HOOK3: variants seen among roughly 807,000 people sequenced by gnomAD.
HOOK3 encodes protein Hook homolog 3.
A neutral mutation model predicts 116.3 loss-of-function variants in HOOK3; 24 were observed. The observed-to-expected ratio is 0.21, with a 90% CI of 0.15 to 0.29. The LOEUF (loss-of-function observed/expected upper bound fraction) is 0.29. Among genes scored for constraint, HOOK3 ranks in the 10% least tolerant of loss-of-function variants. The pLI is 1.00. For missense variants in HOOK3, 632 were observed against 830.2 expected (o/e 0.76, Z 2.93); for synonymous variants, 275 against 283.0 (o/e 0.97, Z 0.28).
chr8:43,012,027 A>G (rs77732036), intron 19 of HOOK3, among the ~76,000 whole-genome samples: 2,345 of 152,336 alleles, frequency 0.015, 32 homozygotes, highest in Non-Finnish European at 0.022. Flanking sequence ...CCACAGTGAT[A>G]GGCTTACACC....
At chr8:42,990,365 G>A (rs564785656) in intron 15 of HOOK3, among the ~76,000 whole-genome samples, 130 of 49,812 alleles carry the variant, frequency 2.6e-3, no homozygotes, top group African/African-American at 7.9e-3. Context: ...TTTTTTTTGA[G>A]GATCTCACTC....
At chr8:42,984,238 C>G (rs149522376) in intron 14 of HOOK3, among the ~76,000 whole-genome samples, 1,961 of 151,924 alleles carry the variant, frequency 0.013, 45 homozygotes, top group African/African-American at 0.045. Context: ...CTTGGTGATG[C>G]ATGCCGGTAA....
At position 42,983,588 on chromosome 8, in the gene HOOK3, A is replaced by G. The variant is rs76265400; in HGVS notation, c.1391+892A>G. Among the ~76,000 whole-genome samples the G allele has an allele frequency of 3.5e-3, 537 of 152,148 alleles. 3 individuals carry two copies. Among genetic ancestry groups the G allele is most frequent in the East Asian group, 0.03 (153 of 5,160 alleles). On this transcript the variant is annotated intron_variant, in intron 14 of 21. Transcript: ENST00000307602. ...AGCCTTGACCTTCTGGGCTCAAGCA[A>G]TCCTCCTACCTCAGCCTGCTTAGTA...
At position 42,981,055 on chromosome 8, in the gene HOOK3, T is replaced by A. The variant is rs1054085178; in HGVS notation, c.1322-1572T>A. 9.6e-5 allele frequency among the ~76,000 whole-genome samples: 14 copies of A among 145,630 alleles called. 1 individual carries two copies. Among genetic ancestry groups the A allele is most frequent in the African/African-American group, 3.5e-4 (14 of 39,930 alleles). ...TGCCTCTAGAATTGTAAATAATAAT[T>A]TTTTTTTTTTTTTTGAGATGAGGTC... is the stretch of plus-strand genomic sequence containing the variant. On this transcript the variant is annotated intron_variant, in intron 13 of 21. Transcript: ENST00000307602.
chr8:42,980,992 G>T (rs1808929551), intron 13 of HOOK3, among the ~76,000 whole-genome samples: 1 of 152,034 alleles, frequency 6.6e-6, no homozygotes. Flanking sequence ...CAGCAGGCAG[G>T]CTCTTACCAG....
At chr8:42,905,970 C>T (rs1208183625) in intron 1 of HOOK3, among the ~76,000 whole-genome samples, 3 of 151,670 alleles carry the variant, frequency 2.0e-5, no homozygotes, top group Non-Finnish European at 4.4e-5. Context: ...TCCTGTAATC[C>T]CAGCTACTTG....
chr8:42,966,143 T>C (rs1259405083), intron 9 of HOOK3, among the ~76,000 whole-genome samples: 1 of 152,226 alleles, frequency 6.6e-6, no homozygotes, highest in African/African-American at 2.4e-5. Flanking sequence ...AATGGGTTTA[T>C]TACTGTAATC....
rs781072029 is a variant in HOOK3 at position 42,986,658 on chromosome 8, G to T, written c.1395G>T (p.Glu465Asp). ...AGTTTTTATTTTGTTCATTCAGGGA[G>T]AAACTTATTCGTCTTCAGCATGAGA... ...AAEIVTPEIR[E>D]KLIRLQHENK... The change falls in exon 15 of 22, where the codon GAG becomes GAT. Residue 465 changes from glutamate to aspartate, a missense_variant. By Grantham distance (45) the Glu-to-Asp change is conservative. Coordinates refer to ENST00000307602, the MANE Select transcript of HOOK3 (RefSeq NM_032410.4). 17 of 1,609,478 alleles carry T rather than the reference G, an allele frequency of 1.1e-5. No homozygotes were observed. Among genetic ancestry groups the T allele is most frequent in the African/African-American group, 1.3e-5 (1 of 74,694 alleles).
At chr8:42,903,338 CTTTTT>C (rs1164136399) in intron 1 of HOOK3, among the ~76,000 whole-genome samples, 12 of 87,606 alleles carry the variant, frequency 1.4e-4, no homozygotes, top group African/African-American at 5.2e-4. Flanking sequence ...TAATAGTTGT[CTTTTT>C]TTTTTTTTTT....
intron 11 of HOOK3, among the ~76,000 whole-genome samples, chr8:42,969,442 A>G (rs1334277660): frequency 6.6e-6 from 1 of 152,166 alleles, no homozygotes; most frequent in Admixed American, 6.5e-5. Flanking sequence ...CCTGGGAAAC[A>G]TAGCAAGACC....
At chr8:42,967,641 G>A (rs1403870089) in intron 10 of HOOK3, among the ~76,000 whole-genome samples, 1 of 151,988 alleles carries the variant, frequency 6.6e-6, no homozygotes, top group Non-Finnish European at 1.5e-5. Flanking sequence ...ACCAAACTTA[G>A]ATTACATAAG....
intron 15 of HOOK3, among the ~76,000 whole-genome samples, chr8:42,992,710 CAAAAAA>C (rs35064772): frequency 1.8e-5 from 1 of 56,592 alleles, no homozygotes; most frequent in African/African-American, 6.2e-5. Context: ...GACTCCATCT[CAAAAAA>C]AAAAAAAAAA....
rs1265285110 is a variant in HOOK3, at chr8:43,023,429, TTC to T, written c.*4933_*4934del. The T allele has an allele frequency of 1.9e-5, 3 of 154,298 alleles. No individual in the cohort carries two copies. Among genetic ancestry groups the T allele is most frequent in the Non-Finnish European group, 4.4e-5 (3 of 68,772 alleles). The allele number at this position is 154,298 out of a possible 1,614,324, so 9.6% of individuals were successfully genotyped here. A position where few individuals can be genotyped will look rare whatever the true frequency, so the allele number is the denominator to read the frequency against. On this transcript the variant is annotated 3_prime_UTR_variant, in exon 22 of 22. Transcript: ENST00000307602. ...TCCTTCCTTCCTTCCTTCCCTTCTTTTCTTTTTTCTTTTCTTTTCTTTTCTCC... is the reference window on the plus strand; with the variant it reads ...TCCTTCCTTCCTTCCTTCCCTTCTTTTTTTTTCTTTTCTTTTCTTTTCTCC...
At chr8:42,945,010 A>G (rs909617241) in intron 5 of HOOK3, among the ~76,000 whole-genome samples, 3 of 152,162 alleles carry the variant, frequency 2.0e-5, no homozygotes, top group Non-Finnish European at 2.9e-5. Flanking sequence ...ACGTTGAAAT[A>G]TGAGATTAAG....
intron 14 of HOOK3, among the ~76,000 whole-genome samples, chr8:42,983,646 G>T (rs1191720661): frequency 6.6e-6 from 1 of 152,028 alleles, no homozygotes; most frequent in Admixed American, 6.6e-5. Flanking sequence ...ACCACGCCTG[G>T]CTATTTTTTG....
chr8:42,966,556 A>G lies in HOOK3; in HGVS notation c.863A>G (p.Glu288Gly), dbSNP rs573013025. 1 of 1,614,184 alleles carries G rather than the reference A, an allele frequency of 6.2e-7. No homozygotes were observed. Among genetic ancestry groups the G allele is most frequent in the African/African-American group, 1.3e-5 (1 of 75,066 alleles). ...EISELRQQND[E>G]LTTLADEAQS... ...TCTGAACTTCGGCAACAGAATGATGAACTGACCACTTTGGCAGATGAAGCT... is the reference window on the plus strand; with the variant it reads ...TCTGAACTTCGGCAACAGAATGATGGACTGACCACTTTGGCAGATGAAGCT... Residue 288 changes from glutamate (E) to glycine (G), a missense_variant, in exon 10 of 22, where the codon GAA (glutamate) becomes GGA (glycine). This residue lies in a region of HOOK3 where 483 missense variants were observed against 648.1 expected (regional missense o/e 0.75). Transcript: ENST00000307602.
At position 43,007,903 on chromosome 8, in the gene HOOK3, A is replaced by C; in HGVS notation, c.1712A>C (p.Asp571Ala). Residue 571 changes from aspartate to alanine, a missense_variant, in exon 18 of 22, where the codon GAT (aspartate) becomes GCT (alanine). By Grantham distance (126) the Asp-to-Ala change is moderately radical (BLOSUM62 -2). This residue lies in a region of HOOK3 where 483 missense variants were observed against 648.1 expected (regional missense o/e 0.75). Coordinates refer to ENST00000307602, the MANE Select transcript of HOOK3 (RefSeq NM_032410.4). Reference sequence around the variant, plus strand: ...CAGAAGAAGAGAGCCATTATTGAAGATCTCGAGCCAAGATTTAACAACAGC... The same window carrying C: ...CAGAAGAAGAGAGCCATTATTGAAGCTCTCGAGCCAAGATTTAACAACAGC... The part of the protein sequence containing the change: ...ELQKKRAIIE[D>A]LEPRFNNSSL... 6.3e-7 allele frequency: 1 copy of C among 1,597,006 alleles called. No homozygotes were observed.
chr8:42,981,632 C>T (rs1808945480), intron 13 of HOOK3, among the ~76,000 whole-genome samples: 1 of 152,004 alleles, frequency 6.6e-6, no homozygotes, highest in African/African-American at 2.4e-5. Flanking sequence ...GCCTTTAATC[C>T]CAGCACTTTG....
At chr8:42,987,155 C>CT (rs1397294135) in intron 15 of HOOK3, among the ~76,000 whole-genome samples, 3 of 152,128 alleles carry the variant, frequency 2.0e-5, no homozygotes, top group Non-Finnish European at 4.4e-5. Context: ...GAGCAAAACT[C>CT]TGTCTCAAAA....
Sources: allele counts gnomAD v4.1 joint callset (sites outside exome capture counted in the v4.1 genomes callset), GRCh38; gene constraint gnomAD v4.1.1; regional missense constraint gnomAD v4.1.1; transcripts MANE v1.5; gene names NCBI Gene and HGNC (gene_info 2026-07-23, HGNC 2026-07-21).